Variants in NRXN1 observed in about 807,000 individuals in gnomAD.
NRXN1 encodes the protein neurexin-1.
A neutral mutation model predicts 150.9 loss-of-function variants in NRXN1; 39 were observed. That is an observed-to-expected ratio of 0.26 (90% CI 0.20 to 0.34). NRXN1 has a LOEUF of 0.34. Ranked by LOEUF, NRXN1 falls within the 10% of genes least tolerant of loss-of-function variation. The pLI is 1.00. For missense variants in NRXN1, 1,815 were observed against 1,949.9 expected (o/e 0.93, Z 1.30); for synonymous variants, 924 against 757.0 (o/e 1.22, Z -3.62).
intron 5 of NRXN1, among the ~76,000 whole-genome samples, chr2:50,677,318 T>A (rs1301988511): frequency 6.6e-6 from 1 of 152,150 alleles, no homozygotes. Flanking sequence ...AGAATTTAAC[T>A]TTGGCATGTC....
chr2:50,782,514 C>G (rs954956116), intron 5 of NRXN1, among the ~76,000 whole-genome samples: 3 of 151,990 alleles, frequency 2.0e-5, no homozygotes, highest in Non-Finnish European at 4.4e-5. Flanking sequence ...TGATGAATTC[C>G]TAAAGCTGGA....
intron 17 of NRXN1, among the ~76,000 whole-genome samples, chr2:50,412,551 T>A (rs1218886035): frequency 1.1e-5 from 1 of 88,878 alleles, no homozygotes; most frequent in African/African-American, 3.6e-5. Context: ...AATGTTTTGC[T>A]TTTTTTTCAC....
Position 50,495,940 on chromosome 2 carries a change from T to A in NRXN1, c.3035A>T (p.Gln1012Leu). ...TVKIDTKITT[Q>L]ITAGARNLDL... ...TAAGTTCCTGGCTCCGGCGGTGATT[T>A]GCGTTGTGATTTTTGTGTCAATCTT... Residue 1012 changes from glutamine to leucine, a missense_variant, in exon 15 of 23, where the codon CAA (glutamine) becomes CTA (leucine). Gln to Leu is a moderately radical substitution (Grantham distance 113). This residue lies in a region of NRXN1 where 339 missense variants were observed against 440.3 expected (regional missense o/e 0.77). Coordinates refer to ENST00000401669, the MANE Select transcript of NRXN1 (RefSeq NM_001330078.2). The A allele has an allele frequency of 1.9e-6, 3 of 1,610,520 alleles. No individual in the cohort carries two copies. The highest frequency in any genetic ancestry group is 2.5e-6 in the Non-Finnish European group (3 of 1,178,114).
intron 18 of NRXN1, among the ~76,000 whole-genome samples, chr2:50,106,577 A>C (rs1035058570): frequency 4.6e-5 from 7 of 152,038 alleles, no homozygotes; most frequent in African/African-American, 1.7e-4. Context: ...GTTAGGGCCA[A>C]GATGAACAAA....
chr2:50,283,291 A>C (rs1003849306), intron 17 of NRXN1, among the ~76,000 whole-genome samples: 4 of 152,146 alleles, frequency 2.6e-5, no homozygotes. Context: ...TAAAAAGACA[A>C]TAATCTTTCT....
intron 18 of NRXN1, among the ~76,000 whole-genome samples, chr2:50,229,549 A>G (rs1407246579): frequency 6.6e-6 from 1 of 152,068 alleles, no homozygotes; most frequent in African/African-American, 2.4e-5. Context: ...CGAGACACAC[A>G]GACTCTGTCT....
At chr2:51,016,802 C>T (rs1558591896) in intron 2 of NRXN1, among the ~76,000 whole-genome samples, 1 of 152,050 alleles carries the variant, frequency 6.6e-6, no homozygotes, top group South Asian at 2.1e-4. Context: ...GACACATGCA[C>T]ATATATGTTT....
In NRXN1 at chr2:50,864,507, T is replaced by C. The variant is rs181739134; in HGVS notation, c.832+57362A>G. ...AAAGTAGTAATAATAACAACCATTG[T>C]CATTTATTGAAACCATACTATGCAG... is the stretch of plus-strand genomic sequence containing the variant. On this transcript the variant is annotated intron_variant, in intron 5 of 22. Coordinates refer to ENST00000401669, the MANE Select transcript of NRXN1 (RefSeq NM_001330078.2). Among the ~76,000 whole-genome samples, 8 of 152,170 alleles carry C rather than the reference T, an allele frequency of 5.3e-5. No individual in the cohort carries two copies. The East Asian group carries it at 1.4e-3, about 26-fold the overall frequency.
At chr2:50,574,013 A>G (rs964780099) in intron 8 of NRXN1, among the ~76,000 whole-genome samples, 1 of 152,092 alleles carries the variant, frequency 6.6e-6, no homozygotes. Flanking sequence ...TAACAAACAT[A>G]TGTCTTGTTA....
intron 13 of NRXN1, among the ~76,000 whole-genome samples, chr2:50,503,153 C>T (rs2092038563): frequency 6.6e-6 from 1 of 151,740 alleles, no homozygotes; most frequent in Admixed American, 6.6e-5. Flanking sequence ...ACTAAAACTA[C>T]AAAAATTAGC....
chr2:50,608,919 C>T (rs1677576067), intron 8 of NRXN1, among the ~76,000 whole-genome samples: 1 of 151,914 alleles, frequency 6.6e-6, no homozygotes, highest in Non-Finnish European at 1.5e-5. Context: ...CTGACTATTC[C>T]CAATTCAGTT....
chr2:50,537,622 A>C lies in NRXN1; in HGVS notation c.2143+631T>G, dbSNP rs551349580. On this transcript the variant is annotated intron_variant, in intron 10 of 22. Coordinates refer to ENST00000401669, the MANE Select transcript of NRXN1 (RefSeq NM_001330078.2). ...TCAATAGGCACAGCTAAGTCTTAAC[A>C]GCAAATTGGTAAATGAATCCTCTGC... is the stretch of plus-strand genomic sequence containing the variant. Among the ~76,000 whole-genome samples, 4 of 152,330 alleles carry C rather than the reference A, an allele frequency of 2.6e-5. No homozygotes were observed. In the South Asian group the frequency reaches 8.3e-4, roughly 32 times the overall value.
At chr2:50,437,697 T>C (rs907285653) in intron 17 of NRXN1, among the ~76,000 whole-genome samples, 3 of 143,070 alleles carry the variant, frequency 2.1e-5, no homozygotes, top group African/African-American at 8.7e-5. Flanking sequence ...TACAGGGAGT[T>C]CTGGATGCAT....
intron 2 of NRXN1, among the ~76,000 whole-genome samples, chr2:51,002,704 T>C (rs990619249): frequency 6.6e-6 from 1 of 151,910 alleles, no homozygotes; most frequent in African/African-American, 2.4e-5. Flanking sequence ...ACATGCAAGA[T>C]GACAAAATAC....
intron 17 of NRXN1, among the ~76,000 whole-genome samples, chr2:50,454,748 T>A (rs186765831): frequency 6.6e-6 from 1 of 150,694 alleles, no homozygotes; most frequent in Non-Finnish European, 1.5e-5. Flanking sequence ...CAAATATTAC[T>A]GAGCATTTAA....
chr2:50,557,675 T>C (rs921412269), intron 8 of NRXN1, among the ~76,000 whole-genome samples: 3 of 152,234 alleles, frequency 2.0e-5, no homozygotes. Flanking sequence ...TAATGGGTCC[T>C]AGCATGGAGT....
At chr2:50,565,690 G>A (rs905517805) in intron 8 of NRXN1, among the ~76,000 whole-genome samples, 1 of 152,022 alleles carries the variant, frequency 6.6e-6, no homozygotes, top group Non-Finnish European at 1.5e-5. Context: ...ATAAAGATGA[G>A]AATGTATCTT....
intron 8 of NRXN1, among the ~76,000 whole-genome samples, chr2:50,591,637 A>G (rs560252607): frequency 1.3e-5 from 2 of 152,162 alleles, no homozygotes; most frequent in African/African-American, 4.8e-5. Flanking sequence ...CTTCTCTGCT[A>G]TTGTGATTCT....
At chr2:50,525,617 G>A (rs746624952) in intron 12 of NRXN1, among the ~76,000 whole-genome samples, 2 of 152,166 alleles carry the variant, frequency 1.3e-5, no homozygotes, top group South Asian at 4.1e-4. Flanking sequence ...ACTGAGACTC[G>A]TCTGGGATTG....
Sources: allele counts gnomAD v4.1 joint callset (sites outside exome capture counted in the v4.1 genomes callset), GRCh38; gene constraint gnomAD v4.1.1; regional missense constraint gnomAD v4.1.1; transcripts MANE v1.5; gene names NCBI Gene and HGNC (gene_info 2026-07-23, HGNC 2026-07-21).